The following TANGO6 variants were observed in gnomAD, a reference collection of about 807,000 sequenced individuals.
The protein encoded by TANGO6 is transport and Golgi organization protein 6 homolog.
Under a neutral mutation model 114.2 loss-of-function variants are expected in TANGO6, and 90 were observed. The ratio of observed to expected loss-of-function variants is 0.79; its 90% CI spans 0.66 to 0.94. TANGO6 has a LOEUF of 0.94. TANGO6 is among the 40% of genes least tolerant of loss of function. The pLI, the probability that TANGO6 is intolerant of heterozygous loss-of-function variation, is 0.00. For synonymous variants in TANGO6, 477 were observed against 509.8 expected, an observed-to-expected ratio of 0.94 and a Z score of 0.87; for missense variants, 1,274 against 1,315.3, an observed-to-expected ratio of 0.97 and a Z score of 0.49.
chr16:68,920,976 G>A (rs1030041652), intron 12 of TANGO6, among the ~76,000 whole-genome samples: 21 of 151,358 alleles, frequency 1.4e-4, no homozygotes, highest in Admixed American at 2.6e-4. Flanking sequence ...GGTGGCGGGT[G>A]CCTGTAGTCC....
chr16:68,860,399 A>C lies in TANGO6; in HGVS notation c.610A>C (p.Asn204His). ...RLYTSCKALL[N>H]VAQHTSLGSL... ...GTACACCAGCTGCAAGGCCCTTCTG[A>C]ATGTTGCTCAGCACACATCTCTGGG... The change falls in exon 2 of 18, where the codon AAT becomes CAT. Residue 204 changes from asparagine (N) to histidine (H), a missense_variant. Asn to His is a moderately conservative substitution (Grantham distance 68). Transcript: ENST00000261778. 6.2e-7 allele frequency: 1 copy of C among 1,613,934 alleles called. No homozygotes were observed. The highest frequency in any genetic ancestry group is 8.5e-7 in the Non-Finnish European group (1 of 1,179,888).
intron 15 of TANGO6, among the ~76,000 whole-genome samples, chr16:68,975,630 T>G (rs1597043820): frequency 6.6e-6 from 1 of 152,124 alleles, no homozygotes. Context: ...CATTCATGGC[T>G]TACTGCAGCC....
chr16:69,005,008 C>T (rs888321692), intron 15 of TANGO6, among the ~76,000 whole-genome samples: 6 of 152,278 alleles, frequency 3.9e-5, no homozygotes, highest in South Asian at 2.1e-4. Context: ...ATGCCAATTC[C>T]GAACACCCCA....
chr16:68,945,473 C>T (rs1188210691), intron 14 of TANGO6, among the ~76,000 whole-genome samples: 3 of 152,040 alleles, frequency 2.0e-5, no homozygotes, highest in African/African-American at 7.3e-5. Context: ...GCACTGCGTG[C>T]TTTGTTTCCC....
chr16:68,983,357 T>G (rs1210016318), intron 15 of TANGO6, among the ~76,000 whole-genome samples: 2 of 152,196 alleles, frequency 1.3e-5, no homozygotes, highest in African/African-American at 2.4e-5. Flanking sequence ...TCAAAATTCT[T>G]TATCTTGAAA....
chr16:68,917,461 G>A (rs1963022191), intron 11 of TANGO6, among the ~76,000 whole-genome samples: 1 of 152,144 alleles, frequency 6.6e-6, no homozygotes, highest in Non-Finnish European at 1.5e-5. Context: ...AGTATGTTTA[G>A]TTTTGTAAGA....
chr16:68,883,589 G>A (rs1962494911), intron 7 of TANGO6, among the ~76,000 whole-genome samples: 1 of 151,992 alleles, frequency 6.6e-6, no homozygotes, highest in African/African-American at 2.4e-5. Context: ...ATAACATTTT[G>A]GCTGTTATTA....
chr16:68,963,432 T>TA (rs1407321862), intron 14 of TANGO6, among the ~76,000 whole-genome samples: 1 of 152,240 alleles, frequency 6.6e-6, no homozygotes, highest in African/African-American at 2.4e-5. Context: ...CCCTACTTTT[T>TA]ACACCCTAGT....
chr16:68,856,521 A>G (rs1236905513), intron 1 of TANGO6, among the ~76,000 whole-genome samples: 2 of 152,220 alleles, frequency 1.3e-5, no homozygotes, highest in Non-Finnish European at 2.9e-5. Context: ...AGTTATTAAT[A>G]GATTCCGTTT....
intron 3 of TANGO6, among the ~76,000 whole-genome samples, chr16:68,865,371 C>T (rs575132794): frequency 6.6e-6 from 1 of 152,012 alleles, no homozygotes; most frequent in South Asian, 2.1e-4. Flanking sequence ...GCACCTTCTG[C>T]AGGGGATAGG....
chr16:68,931,916 A>G (rs116990888), intron 14 of TANGO6, among the ~76,000 whole-genome samples: 30,316 of 151,800 alleles, frequency 0.2, 3,376 homozygotes, highest in African/African-American at 0.3. Context: ...GTGCAGTGGC[A>G]CAATCTTGGC....
At position 68,867,127 on chromosome 16, in the gene TANGO6, C is replaced by G; in HGVS notation, c.901C>G (p.Leu301Val). The change falls in exon 4 of 18, where the codon CTT becomes GTT. Residue 301 changes from leucine to valine, a missense_variant. Around this residue, in one of 5 missense-constraint regions of TANGO6, gnomAD observed 908 missense variants for 910.2 expected, o/e 1.00. Coordinates refer to ENST00000261778, the MANE Select transcript of TANGO6 (RefSeq NM_024562.2). ...GATGAGGTGTCGGGCCCCAGCTTGG[C>G]TTCGGCGTCTATGTGGACAGCTGCT... ...TQMRCRAPAW[L>V]RRLCGQLLSE... 6.2e-7 allele frequency: 1 copy of G among 1,613,912 alleles called. No individual in the cohort carries two copies. Among genetic ancestry groups the G allele is most frequent in the Non-Finnish European group, 8.5e-7 (1 of 1,179,896 alleles).
chr16:68,854,046 A>G (rs1961946764), intron 1 of TANGO6, among the ~76,000 whole-genome samples: 1 of 152,154 alleles, frequency 6.6e-6, no homozygotes, highest in Non-Finnish European at 1.5e-5. Flanking sequence ...TACTGCAAAC[A>G]TTTTCTCCCT....
chr16:68,956,902 G>A (rs1478904445), intron 14 of TANGO6, among the ~76,000 whole-genome samples: 1 of 152,052 alleles, frequency 6.6e-6, no homozygotes, highest in Non-Finnish European at 1.5e-5. Flanking sequence ...GAGAGGTTAT[G>A]ATCACGGAAT....
chr16:69,023,849 A>G (rs1959453775), intron 16 of TANGO6, among the ~76,000 whole-genome samples: 1 of 152,154 alleles, frequency 6.6e-6, no homozygotes, highest in Admixed American at 6.5e-5. Flanking sequence ...AACCATCAAA[A>G]TGATAGCCAT....
rs1451365170 is a variant in TANGO6 at position 68,994,737 on chromosome 16, G to A, written c.2842+20569G>A. Among the ~76,000 whole-genome samples the A allele has an allele frequency of 2.0e-5, 3 of 151,452 alleles. No homozygotes were observed. The East Asian group carries it at 5.8e-4, about 29-fold the overall frequency. On this transcript the variant is annotated intron_variant, in intron 15 of 17. Transcript: ENST00000261778. ...CCATAGGCGCACACCACCACGTCCAGCTAATTTAAAAAAAAAAATTTTTTT... is the reference window on the plus strand; with the variant it reads ...CCATAGGCGCACACCACCACGTCCAACTAATTTAAAAAAAAAAATTTTTTT...
At chr16:68,921,556 T>G (rs1963093978) in intron 12 of TANGO6, among the ~76,000 whole-genome samples, 2 of 150,898 alleles carry the variant, frequency 1.3e-5, no homozygotes, top group African/African-American at 4.9e-5. Context: ...TTTTGTTTTT[T>G]TTTGGTTGAA....
chr16:68,925,898 A>G (rs1963160617), intron 12 of TANGO6, among the ~76,000 whole-genome samples: 1 of 150,594 alleles, frequency 6.6e-6, no homozygotes, highest in Admixed American at 6.6e-5. Context: ...TCCAATTAAA[A>G]AAAAAAAAAA....
chr16:68,976,550 T>G (rs1484035525), intron 15 of TANGO6, among the ~76,000 whole-genome samples: 5 of 152,222 alleles, frequency 3.3e-5, no homozygotes, highest in African/African-American at 1.2e-4. Context: ...TTGAATATTT[T>G]TATACTGGGC....
Sources: gnomAD v4.1 joint callset for allele counts (sites outside exome capture counted in the v4.1 genomes callset) on GRCh38, gnomAD v4.1.1 for gene constraint, gnomAD v4.1.1 regional missense constraint, MANE v1.5 for transcripts, NCBI Gene and HGNC (gene_info 2026-07-23, HGNC 2026-07-21) for gene names.